NRXN1: variants seen among roughly 807,000 people sequenced by gnomAD.
The protein encoded by NRXN1 is neurexin 1, also known as neurexin-1.
In NRXN1, 39 loss-of-function variants were observed where a neutral mutation model predicts 150.9. The ratio of observed to expected loss-of-function variants is 0.26; its 90% CI spans 0.20 to 0.34. NRXN1 has a LOEUF of 0.34. NRXN1 is among the 10% of genes least tolerant of loss of function. The probability of loss-of-function intolerance (pLI) is 1.00; values close to 1 mark genes in which losing one functional copy is unlikely to be tolerated. For missense variants in NRXN1, 1,815 were observed against 1,949.9 expected, an observed-to-expected ratio of 0.93 and a Z score of 1.30; for synonymous variants, 924 against 757.0, an observed-to-expected ratio of 1.22 and a Z score of -3.62.
intron 21 of NRXN1, among the ~76,000 whole-genome samples, chr2:50,041,911 G>T (rs1691033970): frequency 1.3e-5 from 2 of 152,240 alleles, no homozygotes; most frequent in South Asian, 4.1e-4. Context: ...TAACCTGGTA[G>T]GCAAAATTAT....
intron 5 of NRXN1, among the ~76,000 whole-genome samples, chr2:50,713,468 G>T (rs1193315976): frequency 1.3e-5 from 2 of 152,154 alleles, no homozygotes; most frequent in African/African-American, 2.4e-5. Context: ...TCTGGCAAGT[G>T]CTTGGCTGGC....
Position 50,726,497 on chromosome 2 carries a change from C to T in NRXN1, c.833-102882G>A, listed in dbSNP as rs575679552. On this transcript the variant is annotated intron_variant, in intron 5 of 22. Coordinates refer to ENST00000401669, the MANE Select transcript of NRXN1 (RefSeq NM_001330078.2). Reference sequence around the variant, plus strand: ...GAGGATGATAGTTACATTTCTTGGTCATTTGCTATGTGCTAAAAACTATTT... The same window carrying T: ...GAGGATGATAGTTACATTTCTTGGTTATTTGCTATGTGCTAAAAACTATTT... 1.1e-4 allele frequency among the ~76,000 whole-genome samples: 17 copies of T among 152,296 alleles called. 1 individual carries two copies. The South Asian group carries it at 3.3e-3, about 30-fold the overall frequency.
At chr2:50,861,216 G>T (rs1000019972) in intron 5 of NRXN1, among the ~76,000 whole-genome samples, 1 of 151,988 alleles carries the variant, frequency 6.6e-6, no homozygotes, top group African/African-American at 2.4e-5. Context: ...GCAAGGAAGT[G>T]CAGATCTTAT....
In NRXN1 at chr2:50,964,368, T is replaced by C. The variant is rs1179290082; in HGVS notation, c.773-38413A>G. Among the ~76,000 whole-genome samples the C allele has an allele frequency of 7.3e-5, 11 of 151,554 alleles. No individual in the cohort carries two copies. The East Asian group carries it at 2.1e-3, about 29-fold the overall frequency. ...TAGTCCCCAGTGTTAGTTTTGTTCATATACTGTAGCATAGAAAATCTGCAT... is the reference window on the plus strand; with the variant it reads ...TAGTCCCCAGTGTTAGTTTTGTTCACATACTGTAGCATAGAAAATCTGCAT... On this transcript the variant is annotated intron_variant, in intron 2 of 22. Transcript: ENST00000401669.
At chr2:50,264,144 G>A (rs1407892063) in intron 17 of NRXN1, among the ~76,000 whole-genome samples, 1 of 151,928 alleles carries the variant, frequency 6.6e-6, no homozygotes, top group East Asian at 1.9e-4. Flanking sequence ...AGGATAATAC[G>A]GCAGTAAGAT....
At chr2:50,094,270 T>C (rs544276821) in intron 18 of NRXN1, among the ~76,000 whole-genome samples, 2 of 152,248 alleles carry the variant, frequency 1.3e-5, no homozygotes, top group African/African-American at 4.8e-5. Flanking sequence ...AGGAGAACAC[T>C]GAGAACTGCT....
intron 8 of NRXN1, among the ~76,000 whole-genome samples, chr2:50,578,027 G>A (rs905546363): frequency 1.3e-5 from 2 of 152,052 alleles, no homozygotes; most frequent in Non-Finnish European, 2.9e-5. Context: ...AGCAAAGAAA[G>A]AATAGTATTT....
In NRXN1 at chr2:50,515,602, T is replaced by G. The variant is rs111270777; in HGVS notation, c.2375-8985A>C. On this transcript the variant is annotated intron_variant, in intron 12 of 22. Coordinates refer to ENST00000401669, the MANE Select transcript of NRXN1 (RefSeq NM_001330078.2). Reference sequence around the variant, plus strand: ...AGAAACATTCATTAAATGCTTGGGGTGTGTGTGTGTGTGTGTGTGTGTGTG... The same window carrying G: ...AGAAACATTCATTAAATGCTTGGGGGGTGTGTGTGTGTGTGTGTGTGTGTG... 4.8e-3 allele frequency among the ~76,000 whole-genome samples: 241 copies of G among 49,710 alleles called. 2 individuals are homozygous for G. The highest frequency in any genetic ancestry group is 0.036 in the Middle Eastern group (2 of 56). 32.6% of individuals were successfully genotyped at this position (49,710 alleles called of 152,430 possible). A position where few individuals can be genotyped will look rare whatever the true frequency, so the allele number is the denominator to read the frequency against.
intron 8 of NRXN1, among the ~76,000 whole-genome samples, chr2:50,565,321 C>T (rs1032337465): frequency 1.3e-5 from 2 of 152,010 alleles, no homozygotes; most frequent in African/African-American, 2.4e-5. Flanking sequence ...TAATTTCGCA[C>T]GTCTTTTCCT....
At position 50,347,072 on chromosome 2, in the gene NRXN1, A is replaced by T; in HGVS notation, c.3365-110102T>A. On this transcript the variant is annotated intron_variant, in intron 17 of 22. Coordinates refer to ENST00000401669, the MANE Select transcript of NRXN1 (RefSeq NM_001330078.2). The surrounding 1 kb of genome is among the most constrained non-coding windows in gnomAD (Gnocchi z 4.9). ...GAGGGGCCGGCCGCCTCACCGCGCC[A>T]GGGCACCCATCCTCTCCCTCCTTCG... 1.4e-6 allele frequency: 2 copies of T among 1,380,806 alleles called. No individual in the cohort carries two copies. The highest frequency in any genetic ancestry group is 1.9e-6 in the Non-Finnish European group (2 of 1,052,282). The allele number at this position is 1,380,806 out of a possible 1,614,324, so 85.5% of individuals were successfully genotyped here. A position where few individuals can be genotyped will look rare whatever the true frequency, so the allele number is the denominator to read the frequency against.
intron 17 of NRXN1, among the ~76,000 whole-genome samples, chr2:50,398,101 T>G (rs922577050): frequency 3.3e-5 from 5 of 152,176 alleles, no homozygotes; most frequent in Admixed American, 3.3e-4. Context: ...TGTGACATTT[T>G]CAGGATCATA....
chr2:50,554,448 C>G (rs561968473), intron 8 of NRXN1: 1 of 152,128 alleles, frequency 6.6e-6, no homozygotes, highest in African/African-American at 2.4e-5. Flanking sequence ...CTGGCTCCAG[C>G]ATTACCGAAC....
At chr2:50,474,888 G>A (rs945281855) in intron 15 of NRXN1, among the ~76,000 whole-genome samples, 1 of 126,318 alleles carries the variant, frequency 7.9e-6, no homozygotes, top group African/African-American at 3.0e-5. Flanking sequence ...GAGTTATTTA[G>A]ATATGACACA....
At chr2:50,623,242 G>C (rs1048789206) in intron 6 of NRXN1, 72 bp downstream of exon 6, 5 of 1,216,624 alleles carry the variant, frequency 4.1e-6, no homozygotes, top group Non-Finnish European at 5.9e-6. Flanking sequence ...TGTTGTTAGA[G>C]TATTTAAGTA....
chr2:50,253,140 T>C (rs1206965568), intron 17 of NRXN1, among the ~76,000 whole-genome samples: 1 of 152,174 alleles, frequency 6.6e-6, no homozygotes, highest in Non-Finnish European at 1.5e-5. Context: ...CCTCTTTAGC[T>C]GTATTCCTAG....
chr2:50,811,624 T>G (rs1054475626), intron 5 of NRXN1, among the ~76,000 whole-genome samples: 38 of 152,168 alleles, frequency 2.5e-4, no homozygotes, highest in African/African-American at 8.9e-4. Context: ...CCTAGACAAG[T>G]AGCAGGAGCA....
At chr2:50,164,016 C>T (rs1339369407) in intron 18 of NRXN1, among the ~76,000 whole-genome samples, 1 of 152,140 alleles carries the variant, frequency 6.6e-6, no homozygotes, top group Non-Finnish European at 1.5e-5. Context: ...TTAGGCCATA[C>T]TGATTTACAT....
At chr2:50,921,587 G>A (rs1364259229) in intron 5 of NRXN1, among the ~76,000 whole-genome samples, 9 of 151,576 alleles carry the variant, frequency 5.9e-5, no homozygotes, top group Non-Finnish European at 1.2e-4. Context: ...AAATGATACT[G>A]CAGAAACTGA....
At chr2:50,373,654 GAA>G (rs71404949) in intron 17 of NRXN1, among the ~76,000 whole-genome samples, 2 of 101,520 alleles carry the variant, frequency 2.0e-5, no homozygotes, top group Non-Finnish European at 3.9e-5. Context: ...AAGAAAGAAA[GAA>G]AGAAAGAAAG....
Sources: gnomAD v4.1 joint callset for allele counts (sites outside exome capture counted in the v4.1 genomes callset) on GRCh38, gnomAD v4.1.1 for gene constraint, Gnocchi (gnomAD v3.1) non-coding constraint, MANE v1.5 for transcripts, NCBI Gene and HGNC (gene_info 2026-07-23, HGNC 2026-07-21) for gene names.